The following DPYSL2 variants were observed in gnomAD, a reference collection of about 807,000 sequenced individuals.
DPYSL2 encodes the protein dihydropyrimidinase-related protein 2.
Under a neutral mutation model 69.9 loss-of-function variants are expected in DPYSL2, and 13 were observed. That is an observed-to-expected ratio of 0.19 (90% CI 0.12 to 0.30). The LOEUF is 0.30. Among genes scored for constraint, DPYSL2 ranks in the 10% least tolerant of loss-of-function variants. The pLI, the probability that DPYSL2 is intolerant of heterozygous loss-of-function variation, is 1.00. For missense variants in DPYSL2, 587 were observed against 918.9 expected (o/e 0.64, Z 4.67); for synonymous variants, 326 against 359.1 (o/e 0.91, Z 1.04).
chr8:26,573,789 A>T (rs1436995628), intron 1 of DPYSL2, among the ~76,000 whole-genome samples: 1 of 150,188 alleles, frequency 6.7e-6, no homozygotes, highest in Admixed American at 6.7e-5. Context: ...GTGAGCAAAG[A>T]TCATGCAACT....
chr8:26,514,371 G>A lies in DPYSL2; in HGVS notation c.46G>A (p.Val16Ile). The A allele has an allele frequency of 6.6e-7, 1 of 1,513,456 alleles. No homozygotes were observed. The highest frequency in any genetic ancestry group is 2.5e-5 in the East Asian group (1 of 39,284). The allele number at this position is 1,513,456 out of a possible 1,614,324, so 93.8% of individuals were successfully genotyped here. A position where few individuals can be genotyped will look rare whatever the true frequency, so the allele number is the denominator to read the frequency against. Residue 16 changes from valine (V) to isoleucine (I), a missense_variant, in exon 1 of 14, where the codon GTC (valine) becomes ATC (isoleucine). Transcript: ENST00000521913. The surrounding 1 kb of genome is among the most constrained non-coding windows in gnomAD (Gnocchi z 8.4). ...QSGKAAEDEE[V>I]PAFFKNLGSG... is the part of the protein sequence containing the mutation. The stretch of plus-strand genomic sequence containing the variant: ...CGGGAAGGCGGCAGAGGACGAAGAG[G>A]TCCCTGCTTTTTTTAAAAACCTGGG...
intron 3 of DPYSL2, among the ~76,000 whole-genome samples, chr8:26,601,814 A>T (rs1466867921): frequency 6.6e-6 from 1 of 152,248 alleles, no homozygotes; most frequent in South Asian, 2.1e-4. Flanking sequence ...GCCTGGAACA[A>T]AGACAGTACT....
Position 26,514,401 on chromosome 8 carries a change from G to A in DPYSL2, c.76G>A (p.Gly26Ser), listed in dbSNP as rs1380477817. Residue 26 changes from glycine (G) to serine (S), a missense_variant, in exon 1 of 14, where the codon GGC (glycine) becomes AGC (serine). Transcript: ENST00000521913. This position sits in a 1 kb window ranked among gnomAD's most constrained non-coding sequence, Gnocchi z 8.4. ...TGCTTTTTTTAAAAACCTGGGCTCC[G>A]GCAGCCCCAAGCCCCGGCAGAAATT... is the stretch of plus-strand genomic sequence containing the variant. ...VPAFFKNLGS[G>S]SPKPRQKFCG... The A allele has an allele frequency of 4.0e-6, 6 of 1,516,108 alleles. No homozygotes were observed. Among genetic ancestry groups the A allele is most frequent in the African/African-American group, 1.4e-5 (1 of 71,046 alleles). 93.9% of individuals were successfully genotyped at this position (1,516,108 alleles called of 1,614,324 possible).
At position 26,580,481 on chromosome 8, in the gene DPYSL2, C is replaced by T. The variant is rs1471550889; in HGVS notation, c.355-1488C>T. ...ATTATTGTTGGCTATTCTCCTTTGA[C>T]TTTCCAAAGTCTACGTGAGGATCAG... On this transcript the variant is annotated intron_variant, in intron 1 of 13. Coordinates refer to ENST00000521913, the MANE Select transcript of DPYSL2 (RefSeq NM_001197293.3). This position sits in a 1 kb window ranked among gnomAD's most constrained non-coding sequence, Gnocchi z 4.1. 6.6e-6 allele frequency among the ~76,000 whole-genome samples: 1 copy of T among 152,186 alleles called. No individual in the cohort carries two copies. The highest frequency in any genetic ancestry group is 1.5e-5 in the Non-Finnish European group (1 of 68,028).
At chr8:26,566,037 G>A (rs1296480293) in intron 1 of DPYSL2, among the ~76,000 whole-genome samples, 6 of 152,264 alleles carry the variant, frequency 3.9e-5, no homozygotes, top group Admixed American at 6.5e-5. Flanking sequence ...TGGATTTCAT[G>A]AAGAGCTAGT....
chr8:26,521,732 A>G (rs1261439517), intron 1 of DPYSL2, among the ~76,000 whole-genome samples: 1 of 151,454 alleles, frequency 6.6e-6, no homozygotes, highest in African/African-American at 2.4e-5. Flanking sequence ...TCCTGAGTGG[A>G]TTTGCCTATT....
intron 1 of DPYSL2, among the ~76,000 whole-genome samples, chr8:26,543,715 G>T (rs1466214121): frequency 6.6e-6 from 1 of 152,192 alleles, no homozygotes; most frequent in African/African-American, 2.4e-5. Context: ...TCGAACTACC[G>T]ACTTCAGGTG....
intron 1 of DPYSL2, among the ~76,000 whole-genome samples, chr8:26,546,811 C>T (rs1415745626): frequency 6.7e-6 from 1 of 149,792 alleles, no homozygotes; most frequent in Admixed American, 6.7e-5. Flanking sequence ...GTCCCAGCTA[C>T]TCAGGAGGCT....
chr8:26,582,638 C>T lies in DPYSL2; in HGVS notation c.443+581C>T, dbSNP rs1327654015. On this transcript the variant is annotated intron_variant, in intron 2 of 13. Coordinates refer to ENST00000521913, the MANE Select transcript of DPYSL2 (RefSeq NM_001197293.3). This position sits in a 1 kb window ranked among gnomAD's most constrained non-coding sequence, Gnocchi z 4.1. ...TGTTAATGTTACAAAGGAGAAGCAACAGGGCAGTTCCTGAGTTTGGGTATT... is the reference window on the plus strand; with the variant it reads ...TGTTAATGTTACAAAGGAGAAGCAATAGGGCAGTTCCTGAGTTTGGGTATT... Among the ~76,000 whole-genome samples the T allele has an allele frequency of 2.6e-5, 4 of 152,208 alleles. No individual in the cohort carries two copies. The highest frequency in any genetic ancestry group is 5.9e-5 in the Non-Finnish European group (4 of 68,044).
intron 1 of DPYSL2, among the ~76,000 whole-genome samples, chr8:26,568,966 T>C (rs994286814): frequency 6.6e-6 from 1 of 152,030 alleles, no homozygotes; most frequent in African/African-American, 2.4e-5. Context: ...CAGATCCCAG[T>C]AGAAAAGGAA....
chr8:26,581,646 T>A (rs571971864), intron 1 of DPYSL2, among the ~76,000 whole-genome samples: 20 of 152,242 alleles, frequency 1.3e-4, no homozygotes, highest in Admixed American at 1.0e-3. Flanking sequence ...AGTGCTGGGA[T>A]TACAGGCATG....
intron 3 of DPYSL2, among the ~76,000 whole-genome samples, chr8:26,584,411 A>T (rs1018533604): frequency 2.0e-5 from 3 of 152,192 alleles, no homozygotes; most frequent in Non-Finnish European, 4.4e-5. Context: ...ATGGGCTGCA[A>T]CAAATGAAAT....
At chr8:26,561,740 C>A (rs1406943843) in intron 1 of DPYSL2, among the ~76,000 whole-genome samples, 1 of 152,132 alleles carries the variant, frequency 6.6e-6, no homozygotes, top group Non-Finnish European at 1.5e-5. Flanking sequence ...GTCAGATTCT[C>A]GTAAAGAGCA....
chr8:26,532,585 G>A (rs970843267), intron 1 of DPYSL2, among the ~76,000 whole-genome samples: 1 of 152,080 alleles, frequency 6.6e-6, no homozygotes, highest in African/African-American at 2.4e-5. Context: ...GTATGGATTT[G>A]CCTATTTTCA....
chr8:26,557,623 C>CAAAAAAAAAA lies in DPYSL2; in HGVS notation c.355-24336_355-24327dup, dbSNP rs56215906. Among the ~76,000 whole-genome samples, 40 of 74,312 alleles carry CAAAAAAAAAA rather than the reference C, an allele frequency of 5.4e-4. 1 individual carries two copies. The highest frequency in any genetic ancestry group is 1.2e-3 in the African/African-American group (22 of 17,718). The allele number at this position is 74,312 out of a possible 152,430, so 48.8% of individuals were successfully genotyped here. On this transcript the variant is annotated intron_variant, in intron 1 of 13. Coordinates refer to ENST00000521913, the MANE Select transcript of DPYSL2 (RefSeq NM_001197293.3). ...CAAAACCCTGTCTCTACTAAAAATA[C>CAAAAAAAAAA]AAAAAAAAAAAAAAAAAAAGCCAGG... is the stretch of plus-strand genomic sequence containing the variant.
intron 3 of DPYSL2, among the ~76,000 whole-genome samples, chr8:26,600,461 A>G (rs748737266): frequency 6.6e-6 from 1 of 151,918 alleles, no homozygotes; most frequent in South Asian, 2.1e-4. Context: ...AACACTTGCT[A>G]TTGTCTGTCG....
chr8:26,618,416 G>C lies in DPYSL2; in HGVS notation c.629-5727G>C, dbSNP rs532350316. On this transcript the variant is annotated intron_variant, in intron 3 of 13. Coordinates refer to ENST00000521913, the MANE Select transcript of DPYSL2 (RefSeq NM_001197293.3). Reference sequence around the variant, plus strand: ...CATCCCCAAACTCCTGGGCTCAAGTGATCTTCCCCACTTAGCCTCCCGAGT... The same window carrying C: ...CATCCCCAAACTCCTGGGCTCAAGTCATCTTCCCCACTTAGCCTCCCGAGT... Among the ~76,000 whole-genome samples, 26 of 150,762 alleles carry C rather than the reference G, an allele frequency of 1.7e-4. No individual in the cohort carries two copies. The South Asian group carries it at 5.2e-3, about 30-fold the overall frequency.
At position 26,585,090 on chromosome 8, in the gene DPYSL2, C is replaced by A; in HGVS notation, c.628+1107C>A. 6.6e-6 allele frequency among the ~76,000 whole-genome samples: 1 copy of A among 151,988 alleles called. No individual in the cohort carries two copies. The highest frequency in any genetic ancestry group is 1.9e-4 in the East Asian group (1 of 5,184). ...GAGGTGGGCAAGCTGCATAGTGGCCCGTCAGATACATATTTTAAAAAACAG... is the reference window on the plus strand; with the variant it reads ...GAGGTGGGCAAGCTGCATAGTGGCCAGTCAGATACATATTTTAAAAAACAG... On this transcript the variant is annotated intron_variant, in intron 3 of 13. Coordinates refer to ENST00000521913, the MANE Select transcript of DPYSL2 (RefSeq NM_001197293.3). The surrounding 1 kb of genome is among the most constrained non-coding windows in gnomAD (Gnocchi z 4.0).
chr8:26,634,742 G>T (rs1277128899), intron 7 of DPYSL2, 38 bp from the exon 8 acceptor site: 3 of 1,612,946 alleles, frequency 1.9e-6, no homozygotes, highest in Non-Finnish European at 2.5e-6. Flanking sequence ...CGTGGGGTGG[G>T]CTGAGCCACA....
Sources: allele counts gnomAD v4.1 joint callset (sites outside exome capture counted in the v4.1 genomes callset), GRCh38; gene constraint gnomAD v4.1.1; non-coding constraint Gnocchi (gnomAD v3.1); transcripts MANE v1.5; gene names NCBI Gene and HGNC (gene_info 2026-07-23, HGNC 2026-07-21).